The following RNF187 variants were observed in gnomAD, a reference collection of about 807,000 sequenced individuals.
RNF187 encodes E3 ubiquitin-protein ligase RNF187.
In RNF187, 18 loss-of-function variants were observed where a neutral mutation model predicts 22.2. The observed-to-expected ratio is 0.81, with a 90% CI of 0.56 to 1.20. RNF187 has a LOEUF of 1.20. RNF187 is among the 50% of genes most tolerant of loss of function. The probability of loss-of-function intolerance (pLI) is 0.00; values close to 1 mark genes in which losing one functional copy is unlikely to be tolerated. For missense variants in RNF187, 329 were observed against 317.6 expected, an observed-to-expected ratio of 1.04 and a Z score of -0.27; for synonymous variants, 164 against 140.9, an observed-to-expected ratio of 1.16 and a Z score of -1.16.
chr1:228,492,695 G>A, intron 2 of RNF187, among the ~76,000 whole-genome samples: 1,549 of 132,360 alleles, frequency 0.012, 21 homozygotes, highest in African/African-American at 0.038. Context: ...GCATGAACTC[G>A]GGCTCACTGC....
chr1:228,487,920 C>T, intron 1 of RNF187, 42 bp downstream of exon 1: 2 of 1,132,804 alleles, frequency 1.8e-6, no homozygotes, highest in East Asian at 8.6e-5. Context: ...GGACGGTGCC[C>T]TGCGCCTCTC....
In RNF187 at chr1:228,493,109, C is replaced by T. The variant is rs1034522927; in HGVS notation, c.540C>T (p.Ala180=). The change falls in exon 3 of 4, where the codon GCC becomes GCT. Residue 180 remains alanine (A), a synonymous_variant. Coordinates refer to ENST00000305943, the MANE Select transcript of RNF187 (RefSeq NM_001010858.3). The surrounding 1 kb of genome is among the most constrained non-coding windows in gnomAD (Gnocchi z 4.7). ...TGACCGACTACAAGAAGCTGCGGGC[C>T]TTCTTTGTGGAGGAGGAGGAGCATT... is the stretch of plus-strand genomic sequence containing the variant. The T allele has an allele frequency of 3.2e-6, 5 of 1,551,554 alleles. No individual in the cohort carries two copies. Among genetic ancestry groups the T allele is most frequent in the East Asian group, 2.4e-5 (1 of 40,934 alleles).
Position 228,492,771 on chromosome 1 carries a change from C to T in RNF187, c.484-282C>T. On this transcript the variant is annotated intron_variant, in intron 2 of 3. Coordinates refer to ENST00000305943, the MANE Select transcript of RNF187 (RefSeq NM_001010858.3). ...CCTCCCGATTAGCTGGGATTACAGG[C>T]GTGCCACCACGCCTGGCTCATTTTT... Among the ~76,000 whole-genome samples, 15 of 151,474 alleles carry T rather than the reference C, an allele frequency of 9.9e-5. No homozygotes were observed. The South Asian group carries it at 1.9e-3, about 19-fold the overall frequency.
Position 228,495,746 on chromosome 1 carries a change from A to G in RNF187, c.*1861A>G. On this transcript the variant is annotated 3_prime_UTR_variant, in exon 4 of 4. Coordinates refer to ENST00000305943, the MANE Select transcript of RNF187 (RefSeq NM_001010858.3). ...CAACCTCTTTCTATTTAAGAAAATTATATATTTATGGGGCACAGTGTGATG... is the reference window on the plus strand; with the variant it reads ...CAACCTCTTTCTATTTAAGAAAATTGTATATTTATGGGGCACAGTGTGATG... 1.0e-6 allele frequency: 1 copy of G among 984,916 alleles called. No individual in the cohort carries two copies. Among genetic ancestry groups the G allele is most frequent in the Non-Finnish European group, 1.2e-6 (1 of 829,438 alleles). The allele number at this position is 984,916 out of a possible 1,614,324, so 61.0% of individuals were successfully genotyped here.
chr1:228,495,065 A>C lies in RNF187; in HGVS notation c.*1180A>C. 1 of 979,976 alleles carries C rather than the reference A, an allele frequency of 1.0e-6. No homozygotes were observed. Among genetic ancestry groups the C allele is most frequent in the Non-Finnish European group, 1.2e-6 (1 of 824,976 alleles). The allele number at this position is 979,976 out of a possible 1,614,324, so 60.7% of individuals were successfully genotyped here. On this transcript the variant is annotated 3_prime_UTR_variant, in exon 4 of 4. Transcript: ENST00000305943. ...GGAAACTTCCTCGTGACACGTGCTAAAGCATGGTGAGGAGGACTTTGATTG... is the reference window on the plus strand; with the variant it reads ...GGAAACTTCCTCGTGACACGTGCTACAGCATGGTGAGGAGGACTTTGATTG...
chr1:228,492,870 G>A, intron 2 of RNF187, among the ~76,000 whole-genome samples, 183 bp from the exon 3 acceptor site: 184 of 152,126 alleles, frequency 1.2e-3, no homozygotes, highest in African/African-American at 4.0e-3. Context: ...TGATCCGCCC[G>A]CCTTGGCCTC....
In RNF187 at chr1:228,496,123, T is replaced by C; in HGVS notation, c.*2238T>C. Among the ~76,000 whole-genome samples, 1 of 152,332 alleles carries C rather than the reference T, an allele frequency of 6.6e-6. No homozygotes were observed. The highest frequency in any genetic ancestry group is 1.5e-5 in the Non-Finnish European group (1 of 68,030). On this transcript the variant is annotated 3_prime_UTR_variant, in exon 4 of 4. Coordinates refer to ENST00000305943, the MANE Select transcript of RNF187 (RefSeq NM_001010858.3). Reference sequence around the variant, plus strand: ...CTGACTAGAATTTCCCCAAATCCTCTTGTCTCAGCCCCTGCTAACCACCGT... The same window carrying C: ...CTGACTAGAATTTCCCCAAATCCTCCTGTCTCAGCCCCTGCTAACCACCGT...
chr1:228,491,777 G>T, intron 2 of RNF187, among the ~76,000 whole-genome samples: 7 of 152,044 alleles, frequency 4.6e-5, no homozygotes, highest in African/African-American at 9.7e-5. Flanking sequence ...TACAGCACAG[G>T]CTCCCTTATA....
At chr1:228,489,857 G>A in intron 2 of RNF187, among the ~76,000 whole-genome samples, 19 of 152,264 alleles carry the variant, frequency 1.2e-4, no homozygotes, top group East Asian at 5.8e-4. Flanking sequence ...GCCTCCTAAC[G>A]CCATCACCTG....
Position 228,487,841 on chromosome 1 carries a change from A to G in RNF187, c.353A>G (p.Glu118Gly). The G allele has an allele frequency of 8.1e-7, 1 of 1,229,974 alleles. No individual in the cohort carries two copies. Among genetic ancestry groups the G allele is most frequent in the South Asian group, 2.5e-5 (1 of 40,096 alleles). 76.2% of individuals were successfully genotyped at this position (1,229,974 alleles called of 1,614,324 possible). The change falls in exon 1 of 4, where the codon GAG becomes GGG. Residue 118 changes from glutamate (E) to glycine (G), a missense_variant. Coordinates refer to ENST00000305943, the MANE Select transcript of RNF187 (RefSeq NM_001010858.3). ...ATGGCTGCGGGCCCCGAGCCGCCCGAGTGGGAACCGCGCTGGAGGAAGGCG... is the reference window on the plus strand; with the variant it reads ...ATGGCTGCGGGCCCCGAGCCGCCCGGGTGGGAACCGCGCTGGAGGAAGGCG...
At chr1:228,491,798 G>A in intron 2 of RNF187, among the ~76,000 whole-genome samples, 1 of 152,060 alleles carries the variant, frequency 6.6e-6, no homozygotes, top group African/African-American at 2.4e-5. Context: ...ATGAAATGAA[G>A]ACTCAAAGTG....
Position 228,487,520 on chromosome 1 carries a change from C to G in RNF187, c.32C>G (p.Ala11Gly). The change falls in exon 1 of 4, where the codon GCC (alanine) becomes GGC (glycine). Residue 11 changes from alanine to glycine, a missense_variant. Transcript: ENST00000305943. Reference sequence around the variant, plus strand: ...CTCCCTGCGGGCCCCGCCGAGGCCGCCTGCGCCCTGTGCCAGCGCGCGCCC... The same window carrying G: ...CTCCCTGCGGGCCCCGCCGAGGCCGGCTGCGCCCTGTGCCAGCGCGCGCCC... 8.4e-7 allele frequency: 1 copy of G among 1,184,212 alleles called. No individual in the cohort carries two copies. The highest frequency in any genetic ancestry group is 1.0e-6 in the Non-Finnish European group (1 of 957,594). 73.4% of individuals were successfully genotyped at this position (1,184,212 alleles called of 1,614,324 possible).
Position 228,493,874 on chromosome 1 carries a change from C to T in RNF187, c.706-9C>T. 15 of 1,551,714 alleles carry T rather than the reference C, an allele frequency of 9.7e-6. 1 individual carries two copies. In the Middle Eastern group the frequency reaches 5.0e-4, roughly 52 times the overall value. On this transcript the variant is annotated splice_polypyrimidine_tract_variant and intron_variant, in intron 3 of 3. Transcript: ENST00000305943. The surrounding 1 kb of genome is among the most constrained non-coding windows in gnomAD (Gnocchi z 4.7). The stretch of plus-strand genomic sequence containing the variant: ...GTCTCTCTGTCTTTCCCTCTCCCCT[C>T]CCATGCAGTGATGGCGCCAACCCGT...
chr1:228,487,844 G>A lies in RNF187; in HGVS notation c.356G>A (p.Trp119Ter). Reference sequence around the variant, plus strand: ...GCTGCGGGCCCCGAGCCGCCCGAGTGGGAACCGCGCTGGAGGAAGGCGCTG... The same window carrying A: ...GCTGCGGGCCCCGAGCCGCCCGAGTAGGAACCGCGCTGGAGGAAGGCGCTG... Residue 119 changes from tryptophan to a stop codon, truncating the protein, a stop_gained, in exon 1 of 4, where the codon TGG (tryptophan) becomes TAG (stop). Transcript: ENST00000305943. LOFTEE classifies it high-confidence loss of function. 1.6e-6 allele frequency: 2 copies of A among 1,232,122 alleles called. No individual in the cohort carries two copies. The highest frequency in any genetic ancestry group is 3.3e-4 in the Middle Eastern group (1 of 3,064). The allele number at this position is 1,232,122 out of a possible 1,614,324, so 76.3% of individuals were successfully genotyped here.
In RNF187 at chr1:228,495,116, C is replaced by T; in HGVS notation, c.*1231C>T. 2 of 854,160 alleles carry T rather than the reference C, an allele frequency of 2.3e-6. No individual in the cohort carries two copies. Among genetic ancestry groups the T allele is most frequent in the Non-Finnish European group, 1.4e-6 (1 of 709,912 alleles). 52.9% of individuals were successfully genotyped at this position (854,160 alleles called of 1,614,324 possible). On this transcript the variant is annotated 3_prime_UTR_variant, in exon 4 of 4. Coordinates refer to ENST00000305943, the MANE Select transcript of RNF187 (RefSeq NM_001010858.3). Reference sequence around the variant, plus strand: ...GGACCATTGAGATGGGTGTGGGACCCTTTCCTTGGGGCCTGGGGGGAGATG... The same window carrying T: ...GGACCATTGAGATGGGTGTGGGACCTTTTCCTTGGGGCCTGGGGGGAGATG...
rs1658863193 is a variant in RNF187, at chr1:228,487,562, C to T, written c.74C>T (p.Ala25Val). 1 of 1,248,738 alleles carries T rather than the reference C, an allele frequency of 8.0e-7. No homozygotes were observed. The highest frequency in any genetic ancestry group is 1.9e-5 in the South Asian group (1 of 52,544). 77.4% of individuals were successfully genotyped at this position (1,248,738 alleles called of 1,614,324 possible). A position where few individuals can be genotyped will look rare whatever the true frequency, so the allele number is the denominator to read the frequency against. The change falls in exon 1 of 4, where the codon GCC becomes GTC. Residue 25 changes from alanine (A) to valine (V), a missense_variant. Coordinates refer to ENST00000305943, the MANE Select transcript of RNF187 (RefSeq NM_001010858.3). The stretch of plus-strand genomic sequence containing the variant: ...CGCGCGCCCCGGGAACCGGTGCGCG[C>T]CGACTGCGGCCACCGCTTCTGTCGG...
At chr1:228,488,922 GCTT>G in intron 1 of RNF187, 35 bp from the exon 2 acceptor site, 1 of 1,518,486 alleles carries the variant, frequency 6.6e-7, no homozygotes, top group Non-Finnish European at 8.9e-7. Flanking sequence ...GGGACCCAGA[GCTT>G]CTGCCCACCC....
chr1:228,494,330 G>A lies in RNF187; in HGVS notation c.*445G>A. The stretch of plus-strand genomic sequence containing the variant: ...GGTTAGCATCCAGAAAGAAGAATGC[G>A]CATGACGCTCTGTGAAGGCTGGAAC... On this transcript the variant is annotated 3_prime_UTR_variant, in exon 4 of 4. Transcript: ENST00000305943. 14 of 1,063,134 alleles carry A rather than the reference G, an allele frequency of 1.3e-5. No homozygotes were observed. Among genetic ancestry groups the A allele is most frequent in the Non-Finnish European group, 1.4e-5 (12 of 875,018 alleles). The allele number at this position is 1,063,134 out of a possible 1,614,324, so 65.9% of individuals were successfully genotyped here.
intron 2 of RNF187, among the ~76,000 whole-genome samples, chr1:228,491,958 A>G: frequency 8.4e-4 from 128 of 152,326 alleles, no homozygotes; most frequent in African/African-American, 2.8e-3. Context: ...CCTTGATGAT[A>G]AAATCATTTT....
Sources: allele counts gnomAD v4.1 joint callset (sites outside exome capture counted in the v4.1 genomes callset), GRCh38; gene constraint gnomAD v4.1.1; non-coding constraint Gnocchi (gnomAD v3.1); transcripts MANE v1.5; gene names NCBI Gene and HGNC (gene_info 2026-07-23, HGNC 2026-07-21).